FER: variants seen among roughly 807,000 people sequenced by gnomAD.
FER encodes the protein tyrosine-protein kinase Fer.
A neutral mutation model predicts 111.0 loss-of-function variants in FER; 63 were observed. The observed-to-expected ratio is 0.57, with a 90% CI of 0.46 to 0.70. FER has a LOEUF of 0.70. FER is among the 30% of genes least tolerant of loss of function. The probability of loss-of-function intolerance (pLI) is 0.00; values close to 1 mark genes in which losing one functional copy is unlikely to be tolerated. For synonymous variants in FER, 327 were observed against 313.9 expected, an observed-to-expected ratio of 1.04 and a Z score of -0.44; for missense variants, 914 against 954.0, an observed-to-expected ratio of 0.96 and a Z score of 0.55.
At chr5:108,912,747 A>G (rs753639088) in intron 10 of FER, among the ~76,000 whole-genome samples, 1 of 152,214 alleles carries the variant, frequency 6.6e-6, no homozygotes, top group Non-Finnish European at 1.5e-5. Flanking sequence ...CAAGAAAGGA[A>G]GATATAAGGA....
At chr5:109,133,939 A>G (rs1256357429) in intron 17 of FER, among the ~76,000 whole-genome samples, 1 of 151,966 alleles carries the variant, frequency 6.6e-6, no homozygotes, top group Admixed American at 6.6e-5. Context: ...CCTCTGATTA[A>G]TAATTGTATC....
chr5:108,815,761 A>T (rs988869568), intron 3 of FER, among the ~76,000 whole-genome samples: 2 of 152,220 alleles, frequency 1.3e-5, no homozygotes, highest in African/African-American at 4.8e-5. Context: ...ATAAAAAGTA[A>T]TGAAAAATGC....
intron 1 of FER, among the ~76,000 whole-genome samples, chr5:108,762,319 C>T (rs1015520222): frequency 6.6e-6 from 1 of 152,154 alleles, no homozygotes; most frequent in Admixed American, 6.5e-5. Flanking sequence ...TGATTCTTTT[C>T]CTTTAGTTCT....
intron 13 of FER, among the ~76,000 whole-genome samples, chr5:108,984,479 A>G (rs1213140622): frequency 1.3e-5 from 2 of 152,170 alleles, no homozygotes; most frequent in African/African-American, 4.8e-5. Context: ...GCATATTTGA[A>G]AATACTATAG....
chr5:109,116,404 T>G (rs1328054019), intron 17 of FER, among the ~76,000 whole-genome samples: 2 of 148,990 alleles, frequency 1.3e-5, no homozygotes, highest in Non-Finnish European at 3.0e-5. Context: ...TGGAGAATGC[T>G]CTGTCAGATT....
At chr5:108,924,670 A>C (rs1290947742) in intron 10 of FER, 7 of 1,231,952 alleles carry the variant, frequency 5.7e-6, no homozygotes, top group South Asian at 8.2e-5. Flanking sequence ...GATGGAGCAG[A>C]AAATGAAATG....
At position 108,883,401 on chromosome 5, in the gene FER, A is replaced by G. The variant is rs768316557; in HGVS notation, c.929A>G (p.Lys310Arg). 1.9e-6 allele frequency: 3 copies of G among 1,602,940 alleles called. No individual in the cohort carries two copies. The highest frequency in any genetic ancestry group is 2.6e-6 in the Non-Finnish European group (3 of 1,174,362). The change falls in exon 9 of 20, where the codon AAA becomes AGA. Residue 310 changes from lysine to arginine, a missense_variant. Around this residue, in one of 3 missense-constraint regions of FER, gnomAD observed 774 missense variants for 782.6 expected, o/e 0.99. Transcript: ENST00000281092. Reference sequence around the variant, plus strand: ...GAGGATACTGTTTATTCTAGGTTGAAAACGTTAGCGGAAGAACTTATGCAA... The same window carrying G: ...GAGGATACTGTTTATTCTAGGTTGAGAACGTTAGCGGAAGAACTTATGCAA... Reference protein sequence around the residue: ...LTAESLQVMLKTLAEELMQTQ... With the variant: ...LTAESLQVMLRTLAEELMQTQ...
intron 11 of FER, among the ~76,000 whole-genome samples, chr5:108,954,511 T>A (rs1758173231): frequency 6.6e-6 from 1 of 152,088 alleles, no homozygotes; most frequent in African/African-American, 2.4e-5. Flanking sequence ...TGTGTCTACC[T>A]TTGTATGATA....
chr5:109,032,869 A>G (rs1769843548), intron 13 of FER, among the ~76,000 whole-genome samples: 1 of 152,202 alleles, frequency 6.6e-6, no homozygotes, highest in South Asian at 2.1e-4. Context: ...ATCATGATAT[A>G]TTAATACTCA....
chr5:108,777,680 G>C (rs1366772164), intron 2 of FER, among the ~76,000 whole-genome samples: 1 of 152,088 alleles, frequency 6.6e-6, no homozygotes, highest in Non-Finnish European at 1.5e-5. Flanking sequence ...CCTGAGACTG[G>C]GAATTTTACA....
chr5:109,187,464 A>T lies in FER; in HGVS notation c.2358A>T (p.Pro786=), dbSNP rs750751473. The part of the protein sequence containing the change: ...GYRMSAPQHC[P]EDISKIMMKC... Reference sequence around the variant, plus strand: ...GGATGTCAGCTCCCCAGCACTGTCCAGAGGATATTTCCAAAATCATGATGA... The same window carrying T: ...GGATGTCAGCTCCCCAGCACTGTCCTGAGGATATTTCCAAAATCATGATGA... Residue 786 remains proline (P), a synonymous_variant, in exon 20 of 20, where the codon CCA becomes CCT. Coordinates refer to ENST00000281092, the MANE Select transcript of FER (RefSeq NM_005246.4). 2 of 1,614,136 alleles carry T rather than the reference A, an allele frequency of 1.2e-6. No homozygotes were observed. The highest frequency in any genetic ancestry group is 1.7e-6 in the Non-Finnish European group (2 of 1,179,986).
At chr5:108,932,708 T>C (rs1375072451) in intron 10 of FER, among the ~76,000 whole-genome samples, 1 of 152,198 alleles carries the variant, frequency 6.6e-6, no homozygotes, top group African/African-American at 2.4e-5. Context: ...TTTTTAATGA[T>C]TACCATTCTA....
At chr5:109,000,237 T>C (rs901313478) in intron 13 of FER, among the ~76,000 whole-genome samples, 3 of 151,664 alleles carry the variant, frequency 2.0e-5, no homozygotes, top group African/African-American at 7.3e-5. Flanking sequence ...GTAAAACGTG[T>C]TTATCAAAAA....
At chr5:108,981,478 A>G (rs1762011007) in intron 13 of FER, among the ~76,000 whole-genome samples, 1 of 152,098 alleles carries the variant, frequency 6.6e-6, no homozygotes, top group South Asian at 2.1e-4. Flanking sequence ...TAAAGTCGAT[A>G]TAGGCTACAC....
intron 10 of FER, among the ~76,000 whole-genome samples, chr5:108,904,165 T>C (rs1303346867): frequency 1.3e-5 from 2 of 152,172 alleles, no homozygotes; most frequent in Non-Finnish European, 2.9e-5. Flanking sequence ...GTGAACAAAA[T>C]AGAATTTGTT....
intron 13 of FER, among the ~76,000 whole-genome samples, chr5:108,985,636 G>T (rs1260598615): frequency 3.3e-5 from 5 of 152,012 alleles, no homozygotes. Flanking sequence ...TCATTCTTAT[G>T]CCTTTGCATC....
intron 13 of FER, among the ~76,000 whole-genome samples, chr5:108,978,911 T>G (rs936575966): frequency 6.6e-6 from 1 of 152,264 alleles, no homozygotes; most frequent in East Asian, 1.9e-4. Context: ...ATATTCAGAT[T>G]GGAGAAATTA....
intron 12 of FER, among the ~76,000 whole-genome samples, chr5:108,956,392 T>C (rs960767101): frequency 2.0e-5 from 3 of 151,714 alleles, no homozygotes; most frequent in Non-Finnish European, 4.4e-5. Flanking sequence ...TTTTGAAATA[T>C]GTATTATGTA....
chr5:109,129,641 TATAAAA>T (rs1750377451), intron 17 of FER, among the ~76,000 whole-genome samples: 1 of 151,958 alleles, frequency 6.6e-6, no homozygotes, highest in Admixed American at 6.6e-5. Context: ...ATAAAACAAA[TATAAAA>T]ATGAGCAAAG....
Sources: allele counts gnomAD v4.1 joint callset (sites outside exome capture counted in the v4.1 genomes callset), GRCh38; gene constraint gnomAD v4.1.1; regional missense constraint gnomAD v4.1.1; transcripts MANE v1.5; gene names NCBI Gene and HGNC (gene_info 2026-07-23, HGNC 2026-07-21).